Variants in FBH1 observed in about 807,000 individuals in gnomAD.
FBH1 encodes the protein F-box DNA helicase 1.
FBH1 carries 43 observed loss-of-function variants against 115.5 expected under a neutral mutation model. The ratio of observed to expected loss-of-function variants is 0.37; its 90% CI spans 0.29 to 0.48. FBH1 has a LOEUF of 0.48. FBH1 is among the 20% of genes least tolerant of loss of function. The pLI is 0.99. For missense variants in FBH1, 1,001 were observed against 1,337.3 expected (o/e 0.75, Z 3.92); for synonymous variants, 524 against 507.8 (o/e 1.03, Z -0.43).
chr10:5,889,868 C>A (rs965423281), upstream of FBH1: 11 of 159,864 alleles, frequency 6.9e-5, no homozygotes, highest in African/African-American at 2.1e-4. Context: ...CGTGACCTGC[C>A]CCGCACGCGT....
rs1330286548 is a variant in FBH1 at position 5,936,332 on chromosome 10, G to T, written c.2830-124G>T. ...AAGTAAGGGAGAACGGGTTAGGCGG[G>T]GTTTTTCTCTCTGGGACTTACAGTG... is the stretch of plus-strand genomic sequence containing the variant. On this transcript the variant is annotated intron_variant, in intron 19 of 20. Coordinates refer to ENST00000362091, the MANE Select transcript of FBH1 (RefSeq NM_178150.3). This position sits in a 1 kb window ranked among gnomAD's most constrained non-coding sequence, Gnocchi z 5.6. 3.6e-6 allele frequency: 4 copies of T among 1,111,666 alleles called. No individual in the cohort carries two copies. Among genetic ancestry groups the T allele is most frequent in the East Asian group, 2.5e-5 (1 of 40,466 alleles). 68.9% of individuals were successfully genotyped at this position (1,111,666 alleles called of 1,614,324 possible).
chr10:5,896,677 T>C (rs1378233785), intron 1 of FBH1, among the ~76,000 whole-genome samples: 1 of 152,140 alleles, frequency 6.6e-6, no homozygotes, highest in Admixed American at 6.5e-5. Flanking sequence ...GGGGGCCTTG[T>C]AGAGTTTGCA....
upstream of FBH1, chr10:5,889,641 G>A (rs559491121): frequency 2.1e-3 from 419 of 195,622 alleles, 2 homozygotes; most frequent in African/African-American, 9.4e-3. Context: ...CTCAGGGACG[G>A]AGCGGTCCGG....
At chr10:5,898,394 T>C (rs1403494795) in intron 1 of FBH1, among the ~76,000 whole-genome samples, 2 of 151,926 alleles carry the variant, frequency 1.3e-5, no homozygotes, top group African/African-American at 4.8e-5. Flanking sequence ...TGTGACCTTA[T>C]CACTTCCTAG....
At chr10:5,907,971 A>G (rs926191264) in intron 3 of FBH1, among the ~76,000 whole-genome samples, 1 of 152,156 alleles carries the variant, frequency 6.6e-6, no homozygotes, top group Non-Finnish European at 1.5e-5. Flanking sequence ...CTTGAGAGGA[A>G]TGTATATTTT....
chr10:5,917,412 C>T lies in FBH1; in HGVS notation c.1789-8C>T, dbSNP rs771721861. ...AAACTCTGGGTTACCATATGCTTTACTTCCTAGAATGGTGTCCTTGAAGCG... is the reference window on the plus strand; with the variant it reads ...AAACTCTGGGTTACCATATGCTTTATTTCCTAGAATGGTGTCCTTGAAGCG... On this transcript the variant is annotated splice_region_variant and splice_polypyrimidine_tract_variant and intron_variant, in intron 10 of 20. Coordinates refer to ENST00000362091, the MANE Select transcript of FBH1 (RefSeq NM_178150.3). This position sits in a 1 kb window ranked among gnomAD's most constrained non-coding sequence, Gnocchi z 5.6. 9 of 1,613,462 alleles carry T rather than the reference C, an allele frequency of 5.6e-6. No individual in the cohort carries two copies. Among genetic ancestry groups the T allele is most frequent in the Non-Finnish European group, 7.6e-6 (9 of 1,179,680 alleles).
chr10:5,894,699 G>T (rs1022526148), intron 1 of FBH1, among the ~76,000 whole-genome samples: 1 of 152,194 alleles, frequency 6.6e-6, no homozygotes, highest in Non-Finnish European at 1.5e-5. Context: ...ACATTTGTTC[G>T]TTTAATCAGG....
rs1399411764 is a variant in FBH1 at position 5,913,080 on chromosome 10, G to C, written c.1212-667G>C. Reference sequence around the variant, plus strand: ...CCCCGGTCTCCCCCACAGTCCAGGGGAGACTTGGAGAGGCTTTGGAACGGC... The same window carrying C: ...CCCCGGTCTCCCCCACAGTCCAGGGCAGACTTGGAGAGGCTTTGGAACGGC... On this transcript the variant is annotated intron_variant, in intron 6 of 20. Transcript: ENST00000362091. The surrounding 1 kb of genome is among the most constrained non-coding windows in gnomAD (Gnocchi z 4.4). Among the ~76,000 whole-genome samples, 2 of 152,126 alleles carry C rather than the reference G, an allele frequency of 1.3e-5. No homozygotes were observed. The highest frequency in any genetic ancestry group is 2.9e-5 in the Non-Finnish European group (2 of 68,020).
rs1833438008 is a variant in FBH1, at chr10:5,937,473, C to G, written c.*193C>G. The G allele has an allele frequency of 2.1e-6, 1 of 466,502 alleles. No individual in the cohort carries two copies. Among genetic ancestry groups the G allele is most frequent in the Admixed American group, 4.3e-5 (1 of 23,180 alleles). The allele number at this position is 466,502 out of a possible 1,614,324, so 28.9% of individuals were successfully genotyped here. Reference sequence around the variant, plus strand: ...AGACAGCCAGTCTCCACTTGCCTCCCCTCTGGATGTATCTGGTCAGGGAAG... The same window carrying G: ...AGACAGCCAGTCTCCACTTGCCTCCGCTCTGGATGTATCTGGTCAGGGAAG... On this transcript the variant is annotated 3_prime_UTR_variant, in exon 21 of 21. Coordinates refer to ENST00000362091, the MANE Select transcript of FBH1 (RefSeq NM_178150.3).
chr10:5,915,652 G>T lies in FBH1; in HGVS notation c.1565+81G>T. 7.4e-7 allele frequency: 1 copy of T among 1,345,000 alleles called. No homozygotes were observed. Among genetic ancestry groups the T allele is most frequent in the Admixed American group, 1.8e-5 (1 of 54,732 alleles). 83.3% of individuals were successfully genotyped at this position (1,345,000 alleles called of 1,614,324 possible). On this transcript the variant is annotated intron_variant, in intron 9 of 20. Coordinates refer to ENST00000362091, the MANE Select transcript of FBH1 (RefSeq NM_178150.3). This position sits in a 1 kb window ranked among gnomAD's most constrained non-coding sequence, Gnocchi z 5.2. ...GTTTTCCCGTGACGATCACATGTGA[G>T]CTTACACCACAGTGACCCCGAGGAG...
rs1354009466 is a variant in FBH1, at chr10:5,911,134, G to A, written c.1211+6G>A. ...GGGATTAACATCAGCAATAGGTAAT[G>A]CCCCGGGAGGAGGGGAGGGGATGCT... On this transcript the variant is annotated splice_donor_region_variant and intron_variant, in intron 6 of 20. Transcript: ENST00000362091. The surrounding 1 kb of genome is among the most constrained non-coding windows in gnomAD (Gnocchi z 5.4). 6.2e-7 allele frequency: 1 copy of A among 1,606,424 alleles called. No homozygotes were observed. The highest frequency in any genetic ancestry group is 1.1e-5 in the South Asian group (1 of 90,700).
rs774638319 is a variant in FBH1, at chr10:5,927,494, C to G, written c.2782C>G (p.Arg928Gly). Residue 928 changes from arginine to glycine, a missense_variant, in exon 19 of 21, where the codon CGT becomes GGT. By Grantham distance (125) the Arg-to-Gly change is moderately radical (BLOSUM62 -2). Coordinates refer to ENST00000362091, the MANE Select transcript of FBH1 (RefSeq NM_178150.3). Reference sequence around the variant, plus strand: ...TGTTGCAGTAACTCGAGCCAAGAAGCGTCTCATCATGACCAAATCATTGGA... The same window carrying G: ...TGTTGCAGTAACTCGAGCCAAGAAGGGTCTCATCATGACCAAATCATTGGA... Reference protein sequence around the residue: ...LYVAVTRAKKRLIMTKSLENI... With the variant: ...LYVAVTRAKKGLIMTKSLENI... The G allele has an allele frequency of 6.2e-7, 1 of 1,613,714 alleles. No homozygotes were observed. The highest frequency in any genetic ancestry group is 8.5e-7 in the Non-Finnish European group (1 of 1,179,894).
Position 5,917,472 on chromosome 10 carries a change from A to T in FBH1, c.1841A>T (p.Glu614Val). The T allele has an allele frequency of 6.2e-7, 1 of 1,614,100 alleles. No homozygotes were observed. The highest frequency in any genetic ancestry group is 8.5e-7 in the Non-Finnish European group (1 of 1,180,004). ...TGGGATAACATGCGGAAGCTGGGGG[A>T]GTGCACAGAAGAGGCGCACCAGATG... ...RLWDNMRKLG[E>V]CTEEAHQMTH... Residue 614 changes from glutamate to valine, a missense_variant, in exon 11 of 21, where the codon GAG becomes GTG. Glu to Val is a moderately radical substitution (Grantham distance 121, BLOSUM62 -2). Transcript: ENST00000362091. This position sits in a 1 kb window ranked among gnomAD's most constrained non-coding sequence, Gnocchi z 5.6.
chr10:5,930,872 C>T (rs532382196), intron 19 of FBH1, among the ~76,000 whole-genome samples: 48 of 152,282 alleles, frequency 3.2e-4, no homozygotes, highest in African/African-American at 1.0e-3. Context: ...CCACCTCAGC[C>T]TCCCAAGTAG....
chr10:5,898,948 C>T (rs1374251763), intron 1 of FBH1, among the ~76,000 whole-genome samples: 1 of 152,218 alleles, frequency 6.6e-6, no homozygotes, highest in Non-Finnish European at 1.5e-5. Flanking sequence ...ATTATCAATG[C>T]ACCGTTGTTA....
In FBH1 at chr10:5,927,256, G is replaced by C. The variant is rs12247586; in HGVS notation, c.2723-179G>C. 4.6e-3 allele frequency among the ~76,000 whole-genome samples: 697 copies of C among 152,304 alleles called. 11 individuals are homozygous for C. Among genetic ancestry groups the C allele is most frequent in the African/African-American group, 0.016 (650 of 41,552 alleles). On this transcript the variant is annotated intron_variant, in intron 18 of 20. Transcript: ENST00000362091. Reference sequence around the variant, plus strand: ...GTATTTTGTGCCACTAGTCTGCTAGGATTTGGTTTGTTTTTGGAATTGGCA... The same window carrying C: ...GTATTTTGTGCCACTAGTCTGCTAGCATTTGGTTTGTTTTTGGAATTGGCA...
intron 13 of FBH1, among the ~76,000 whole-genome samples, chr10:5,919,005 A>G (rs762251490): frequency 2.0e-5 from 3 of 152,138 alleles, no homozygotes; most frequent in Non-Finnish European, 2.9e-5. Flanking sequence ...AATTTTCTTC[A>G]TGTGTGTCAG....
chr10:5,917,639 C>G lies in FBH1; in HGVS notation c.1926C>G (p.Asp642Glu). The change falls in exon 12 of 21, where the codon GAC becomes GAG. Residue 642 changes from aspartate to glutamate, a missense_variant. Physicochemically the swap from Asp to Glu is conservative, Grantham distance 45. Around this residue, in one of 4 missense-constraint regions of FBH1, gnomAD observed 521 missense variants for 811.0 expected, o/e 0.64. Transcript: ENST00000362091. The surrounding 1 kb of genome is among the most constrained non-coding windows in gnomAD (Gnocchi z 5.6). ...QLSKPSLASFDAIFVDEAQDC... is the reference protein window; with the variant it reads ...QLSKPSLASFEAIFVDEAQDC... The stretch of plus-strand genomic sequence containing the variant: ...GCAAGCCTTCGCTGGCCTCTTTTGA[C>G]GCCATCTTTGTGGATGAGGCCCAGG... 6.2e-7 allele frequency: 1 copy of G among 1,614,028 alleles called. No individual in the cohort carries two copies. The highest frequency in any genetic ancestry group is 8.5e-7 in the Non-Finnish European group (1 of 1,179,980).
Position 5,925,717 on chromosome 10 carries a change from G to A in FBH1, c.2722+225G>A, listed in dbSNP as rs1362437144. On this transcript the variant is annotated intron_variant, in intron 18 of 20. Coordinates refer to ENST00000362091, the MANE Select transcript of FBH1 (RefSeq NM_178150.3). The surrounding 1 kb of genome is among the most constrained non-coding windows in gnomAD (Gnocchi z 4.6). ...CAAGGTGCACCCCTCTGGGGGCTGC[G>A]TGTGGGATGATGATGTTTGTGGCGG... Among the ~76,000 whole-genome samples the A allele has an allele frequency of 2.6e-5, 4 of 152,214 alleles. No individual in the cohort carries two copies. The highest frequency in any genetic ancestry group is 4.4e-5 in the Non-Finnish European group (3 of 68,038).
Sources: gnomAD v4.1 joint callset for allele counts (sites outside exome capture counted in the v4.1 genomes callset) on GRCh38, gnomAD v4.1.1 for gene constraint, gnomAD v4.1.1 regional missense constraint, Gnocchi (gnomAD v3.1) non-coding constraint, MANE v1.5 for transcripts, NCBI Gene and HGNC (gene_info 2026-07-23, HGNC 2026-07-21) for gene names.